The following DIAPH3 variants were observed in gnomAD, a reference collection of about 807,000 sequenced individuals.
DIAPH3 encodes diaphanous related formin 3.
In DIAPH3, 117 loss-of-function variants were observed where a neutral mutation model predicts 144.3. That is an observed-to-expected ratio of 0.81 (90% CI 0.70 to 0.95). The LOEUF (loss-of-function observed/expected upper bound fraction) is 0.95, where lower values mean the gene tolerates loss of function less well. DIAPH3 is among the 40% of genes least tolerant of loss of function. The pLI, the probability that DIAPH3 is intolerant of heterozygous loss-of-function variation, is 0.00. For missense variants in DIAPH3, 1,421 were observed against 1,412.7 expected (o/e 1.01, Z -0.09); for synonymous variants, 519 against 488.9 (o/e 1.06, Z -0.81).
At chr13:60,024,943 C>T (rs186946400) in intron 5 of DIAPH3, among the ~76,000 whole-genome samples, 32 of 152,172 alleles carry the variant, frequency 2.1e-4, no homozygotes, top group Middle Eastern at 6.8e-3. Flanking sequence ...GGGATGTGGA[C>T]GTCTGTTATC....
At chr13:60,009,881 T>C (rs529306372) in intron 8 of DIAPH3, among the ~76,000 whole-genome samples, 1 of 152,350 alleles carries the variant, frequency 6.6e-6, no homozygotes, top group African/African-American at 2.4e-5. Context: ...CATTTTTATC[T>C]TTTTTAAAAG....
intron 27 of DIAPH3, among the ~76,000 whole-genome samples, chr13:59,675,796 T>A (rs897048589): frequency 6.6e-6 from 1 of 152,200 alleles, no homozygotes; most frequent in African/African-American, 2.4e-5. Context: ...TTGGCCCTCA[T>A]GGTTCTGGGG....
At chr13:59,854,025 G>A (rs341498) in intron 22 of DIAPH3, among the ~76,000 whole-genome samples, 75,665 of 151,818 alleles carry the variant, frequency 0.5, 20,263 homozygotes, top group Non-Finnish European at 0.58. Flanking sequence ...CTTTGCAGAT[G>A]AAATTAGTTA....
At chr13:59,861,232 T>C (rs1035613999) in intron 22 of DIAPH3, 175 bp downstream of exon 22, 1 of 1,502,376 alleles carries the variant, frequency 6.7e-7, no homozygotes, top group Non-Finnish European at 8.8e-7. Flanking sequence ...ATTAAACTCA[T>C]AGCTCCAATC....
intron 17 of DIAPH3, among the ~76,000 whole-genome samples, chr13:59,960,756 GA>G (rs1289676174): frequency 1.3e-5 from 2 of 151,900 alleles, no homozygotes; most frequent in African/African-American, 4.8e-5. Flanking sequence ...CTCTAAAACT[GA>G]ATCACAACAA....
At chr13:59,763,555 G>A (rs928583675) in intron 27 of DIAPH3, among the ~76,000 whole-genome samples, 2 of 152,062 alleles carry the variant, frequency 1.3e-5, no homozygotes, top group South Asian at 2.1e-4. Context: ...ATGGTGGTAC[G>A]TGCCTGTAGT....
At chr13:60,138,828 G>A (rs61958594) in intron 1 of DIAPH3, among the ~76,000 whole-genome samples, 1,703 of 148,158 alleles carry the variant, frequency 0.011, 22 homozygotes, top group Non-Finnish European at 0.019. Context: ...AGAGGGGAGG[G>A]GAGGGGAGGA....
chr13:59,883,795 G>A (rs2045247249), intron 20 of DIAPH3, among the ~76,000 whole-genome samples: 2 of 33,358 alleles, frequency 6.0e-5, no homozygotes, highest in Non-Finnish European at 2.1e-4. Flanking sequence ...ATGTTTTCTA[G>A]TAGGTAAGAA....
intron 20 of DIAPH3, among the ~76,000 whole-genome samples, chr13:59,884,306 A>G (rs930648701): frequency 6.6e-6 from 1 of 152,174 alleles, no homozygotes; most frequent in African/African-American, 2.4e-5. Flanking sequence ...CTGATTCTAC[A>G]TTATGGTGAG....
rs9598068 is a variant in DIAPH3, at chr13:59,883,594, T to C, written c.2368-4126A>G. ...AGCATTAGTTCATCTACTTTGTAGA[T>C]ATCACATTATAAGAAATAACAGAAA... On this transcript the variant is annotated intron_variant, in intron 20 of 27. Coordinates refer to ENST00000400324, the MANE Select transcript of DIAPH3 (RefSeq NM_001042517.2). 5.1e-4 allele frequency among the ~76,000 whole-genome samples: 77 copies of C among 152,266 alleles called. 1 individual carries two copies. Among genetic ancestry groups the C allele is most frequent in the Middle Eastern group, 6.8e-3 (2 of 294 alleles).
At chr13:59,756,492 G>A (rs1050543029) in intron 27 of DIAPH3, among the ~76,000 whole-genome samples, 1 of 143,498 alleles carries the variant, frequency 7.0e-6, no homozygotes, top group South Asian at 2.4e-4. Context: ...AAGGAGGGAA[G>A]GAAGGCAGGC....
At chr13:59,710,207 G>C in intron 27 of DIAPH3, among the ~76,000 whole-genome samples, 1 of 149,388 alleles carries the variant, frequency 6.7e-6, no homozygotes. Context: ...TAACTAACCT[G>C]CACATTGTGC....
chr13:59,974,028 G>T (rs1419458365), intron 15 of DIAPH3, among the ~76,000 whole-genome samples: 1 of 152,054 alleles, frequency 6.6e-6, no homozygotes, highest in Non-Finnish European at 1.5e-5. Context: ...ATAATTTCTT[G>T]TAGTGGGATA....
chr13:60,008,471 T>C, intron 9 of DIAPH3, 73 bp downstream of exon 9: 1 of 941,158 alleles, frequency 1.1e-6, no homozygotes, highest in Non-Finnish European at 1.7e-6. Context: ...TGTTTTCATA[T>C]AAACCAATCA....
intron 1 of DIAPH3, among the ~76,000 whole-genome samples, chr13:60,157,637 G>GT (rs1246895613): frequency 1.3e-5 from 2 of 152,126 alleles, no homozygotes; most frequent in African/African-American, 4.8e-5. Flanking sequence ...ACATTTTCCT[G>GT]TTTTTTCCTA....
At chr13:59,965,294 TA>T (rs2049986378) in intron 17 of DIAPH3, among the ~76,000 whole-genome samples, 1 of 152,176 alleles carries the variant, frequency 6.6e-6, no homozygotes, top group Admixed American at 6.5e-5. Flanking sequence ...ACACCTGTTA[TA>T]AAATATGATT....
intron 27 of DIAPH3, among the ~76,000 whole-genome samples, chr13:59,766,153 A>G (rs1360489773): frequency 6.6e-6 from 1 of 152,148 alleles, no homozygotes; most frequent in East Asian, 1.9e-4. Context: ...CTACTGCCTG[A>G]GCATTGTGGT....
At chr13:59,732,904 AAAG>A (rs1169900823) in intron 27 of DIAPH3, among the ~76,000 whole-genome samples, 1 of 152,210 alleles carries the variant, frequency 6.6e-6, no homozygotes, top group African/African-American at 2.4e-5. Context: ...AAAAAGTAGA[AAAG>A]AATAGATTAG....
chr13:60,113,477 T>C (rs2058624295), intron 2 of DIAPH3, among the ~76,000 whole-genome samples: 1 of 152,154 alleles, frequency 6.6e-6, no homozygotes, highest in Non-Finnish European at 1.5e-5. Context: ...AGATAATGTC[T>C]AGGAAAAATA....
Sources: gnomAD v4.1 joint callset for allele counts (sites outside exome capture counted in the v4.1 genomes callset) on GRCh38, gnomAD v4.1.1 for gene constraint, MANE v1.5 for transcripts, NCBI Gene and HGNC (gene_info 2026-07-23, HGNC 2026-07-21) for gene names.